RUSC2: variants seen among roughly 807,000 people sequenced by gnomAD.
RUSC2 encodes the protein AP-4 complex accessory subunit RUSC2.
RUSC2 carries 34 observed loss-of-function variants against 122.2 expected under a neutral mutation model. That is an observed-to-expected ratio of 0.28 (90% CI 0.21 to 0.37). The LOEUF (loss-of-function observed/expected upper bound fraction) is 0.37, where lower values mean the gene tolerates loss of function less well. Among genes scored for constraint, RUSC2 ranks in the 10% least tolerant of loss-of-function variants. The pLI is 1.00. For synonymous variants in RUSC2, 784 were observed against 790.0 expected, an observed-to-expected ratio of 0.99 and a Z score of 0.13; for missense variants, 1,747 against 1,952.4, an observed-to-expected ratio of 0.89 and a Z score of 1.98.
chr9:35,515,511 A>C (rs1821085941), intron 1 of RUSC2, among the ~76,000 whole-genome samples: 1 of 152,118 alleles, frequency 6.6e-6, no homozygotes, highest in Non-Finnish European at 1.5e-5. Flanking sequence ...TTTCTCTATC[A>C]AGGATATTAG....
At chr9:35,515,600 G>T (rs555828373) in intron 1 of RUSC2, among the ~76,000 whole-genome samples, 4 of 151,916 alleles carry the variant, frequency 2.6e-5, no homozygotes, top group Non-Finnish European at 4.4e-5. Flanking sequence ...CTACTTTCTG[G>T]GTCTGTGATC....
chr9:35,549,006 TG>T, intron 2 of RUSC2: 1 of 941,906 alleles, frequency 1.1e-6, no homozygotes, highest in Non-Finnish European at 1.3e-6. Flanking sequence ...CACTCCAGCC[TG>T]GGCAGACAGA....
In RUSC2 at chr9:35,560,265, G is replaced by A; in HGVS notation, c.3625G>A (p.Ala1209Thr). 6.3e-7 allele frequency: 1 copy of A among 1,586,328 alleles called. No homozygotes were observed. ...LLSAHSTLQL[A>T]RARGQEGPGD... ...GTCTGCCCACTCCACGCTGCAGCTG[G>A]CCCGGGCCCGGGGCCAGGAGGGCCC... is the stretch of plus-strand genomic sequence containing the variant. The change falls in exon 10 of 12, where the codon GCC (alanine) becomes ACC (threonine). Residue 1209 changes from alanine (A) to threonine (T), a missense_variant. By Grantham distance (58) the Ala-to-Thr change is moderately conservative. Coordinates refer to ENST00000361226, the MANE Select transcript of RUSC2 (RefSeq NM_014806.5).
chr9:35,548,301 A>G lies in RUSC2; in HGVS notation c.1780A>G (p.Ser594Gly). The G allele has an allele frequency of 1.2e-6, 2 of 1,614,084 alleles. No individual in the cohort carries two copies. The highest frequency in any genetic ancestry group is 1.7e-6 in the Non-Finnish European group (2 of 1,180,036). The change falls in exon 2 of 12, where the codon AGC becomes GGC. Residue 594 changes from serine (S) to glycine (G), a missense_variant. Ser to Gly is a moderately conservative substitution (Grantham distance 56). Coordinates refer to ENST00000361226, the MANE Select transcript of RUSC2 (RefSeq NM_014806.5). The surrounding 1 kb of genome is among the most constrained non-coding windows in gnomAD (Gnocchi z 4.5). Reference sequence around the variant, plus strand: ...CCCACTGGATGAGGGCACTTGCTGTAGCCATAGCCTGCCACCCATGCCTTT... The same window carrying G: ...CCCACTGGATGAGGGCACTTGCTGTGGCCATAGCCTGCCACCCATGCCTTT... ...GAPLDEGTCC[S>G]HSLPPMPLGP...
chr9:35,537,568 G>A (rs989889708), intron 1 of RUSC2, among the ~76,000 whole-genome samples: 4 of 152,180 alleles, frequency 2.6e-5, no homozygotes, highest in African/African-American at 7.2e-5. Flanking sequence ...GTGTGTTTTT[G>A]TTCTTCTCTC....
At chr9:35,556,470 GGCCAGGGACTCT>G in intron 5 of RUSC2, 22 bp downstream of exon 5, 1 of 1,609,568 alleles carries the variant, frequency 6.2e-7, no homozygotes, top group Non-Finnish European at 8.5e-7. Context: ...CCCCAGCTCA[GGCCAGGGACTCT>G]GCTGTCACTA....
At chr9:35,538,004 C>T (rs1252857500) in intron 1 of RUSC2, among the ~76,000 whole-genome samples, 3 of 152,174 alleles carry the variant, frequency 2.0e-5, no homozygotes, top group Admixed American at 2.0e-4. Flanking sequence ...GAGCAGAGGA[C>T]TCTGTAGGTC....
chr9:35,555,773 G>T lies in RUSC2; in HGVS notation c.2656+72G>T. ...CACTTCCACCACCTCCCCTTTGAGT[G>T]GTTGCTTACACTCTCACCTGGGGCC... is the stretch of plus-strand genomic sequence containing the variant. On this transcript the variant is annotated intron_variant, in intron 3 of 11. Transcript: ENST00000361226. The surrounding 1 kb of genome is among the most constrained non-coding windows in gnomAD (Gnocchi z 4.6). The T allele has an allele frequency of 6.6e-7, 1 of 1,516,524 alleles. No homozygotes were observed. Among genetic ancestry groups the T allele is most frequent in the South Asian group, 1.3e-5 (1 of 79,462 alleles). The allele number at this position is 1,516,524 out of a possible 1,614,324, so 93.9% of individuals were successfully genotyped here. A position where few individuals can be genotyped will look rare whatever the true frequency, so the allele number is the denominator to read the frequency against.
chr9:35,552,254 G>A (rs372631633), intron 2 of RUSC2, among the ~76,000 whole-genome samples: 17 of 152,270 alleles, frequency 1.1e-4, no homozygotes, highest in South Asian at 4.1e-4. Flanking sequence ...CCATCTACCC[G>A]GGAGGCTGAG....
rs771051127 is a variant in RUSC2, at chr9:35,561,840, G to GTATTTATT, written c.*471_*478dup. 6.4e-6 allele frequency: 4 copies of GTATTTATT among 622,332 alleles called. No individual in the cohort carries two copies. The highest frequency in any genetic ancestry group is 5.7e-5 in the East Asian group (2 of 34,910). 38.6% of individuals were successfully genotyped at this position (622,332 alleles called of 1,614,324 possible). A position where few individuals can be genotyped will look rare whatever the true frequency, so the allele number is the denominator to read the frequency against. ...AGGAGGAGCCCAGGCGTCTGTTTAT[G>GTATTTATT]TATTTATTTATTTATTTATTATACC... On this transcript the variant is annotated 3_prime_UTR_variant, in exon 12 of 12. Transcript: ENST00000361226.
At chr9:35,551,137 T>C (rs1821885278) in intron 2 of RUSC2, among the ~76,000 whole-genome samples, 1 of 152,070 alleles carries the variant, frequency 6.6e-6, no homozygotes, top group Admixed American at 6.6e-5. Context: ...TAAAAAAAGT[T>C]TGAACCAAAA....
Position 35,556,029 on chromosome 9 carries a change from G to C in RUSC2, c.2734G>C (p.Gly912Arg). The change falls in exon 4 of 12, where the codon GGG (glycine) becomes CGG (arginine). Residue 912 changes from glycine to arginine, a missense_variant. Physicochemically the swap from Gly to Arg is moderately radical, Grantham distance 125 (BLOSUM62 -2). Transcript: ENST00000361226. ...CCCACTAGGGCCACCTGGTTTGTCA[G>C]GGAGCCTAGACCGAAGATCACAAGA... ...KNPLGPPGLS[G>R]SLDRRSQEAR... is the part of the protein sequence containing the mutation. 6.2e-7 allele frequency: 1 copy of C among 1,614,214 alleles called. No homozygotes were observed.
Position 35,555,063 on chromosome 9 carries a change from G to A in RUSC2, c.2018G>A (p.Gly673Asp), listed in dbSNP as rs1196389252. Reference sequence around the variant, plus strand: ...CTTCTCCATCCCTTTGCTACAGGGGGTGGCACCGAGAGCCGACCAGTCCTT... The same window carrying A: ...CTTCTCCATCCCTTTGCTACAGGGGATGGCACCGAGAGCCGACCAGTCCTT... ...QRDARARADG[G>D]GTESRPVLRY... The change falls in exon 3 of 12, where the codon GGT becomes GAT. Residue 673 changes from glycine to aspartate, a missense_variant. By Grantham distance (94) the Gly-to-Asp change is moderately conservative (BLOSUM62 -1). Coordinates refer to ENST00000361226, the MANE Select transcript of RUSC2 (RefSeq NM_014806.5). This position sits in a 1 kb window ranked among gnomAD's most constrained non-coding sequence, Gnocchi z 4.6. 3.1e-6 allele frequency: 5 copies of A among 1,611,128 alleles called. No homozygotes were observed. In the Middle Eastern group the frequency reaches 6.6e-4, roughly 213 times the overall value.
chr9:35,543,333 G>T (rs1345058797), intron 1 of RUSC2, among the ~76,000 whole-genome samples: 1 of 152,042 alleles, frequency 6.6e-6, no homozygotes, highest in African/African-American at 2.4e-5. Context: ...GGCTGAGGTG[G>T]ATCACTTGAG....
At chr9:35,527,807 T>C (rs538646474) in intron 1 of RUSC2, among the ~76,000 whole-genome samples, 1 of 152,356 alleles carries the variant, frequency 6.6e-6, no homozygotes, top group East Asian at 1.9e-4. Context: ...CATATCTGCT[T>C]CTACCAAAAG....
intron 1 of RUSC2, among the ~76,000 whole-genome samples, chr9:35,525,838 A>AT (rs1821316271): frequency 6.6e-6 from 1 of 152,048 alleles, no homozygotes; most frequent in Admixed American, 6.6e-5. Flanking sequence ...TAACCCCAGC[A>AT]TTTTGTGAGG....
intron 1 of RUSC2, among the ~76,000 whole-genome samples, chr9:35,506,140 G>A (rs1164156467): frequency 6.6e-6 from 1 of 152,148 alleles, no homozygotes; most frequent in Non-Finnish European, 1.5e-5. Flanking sequence ...GTAAGATTGT[G>A]GGATACAAAA....
At position 35,558,887 on chromosome 9, in the gene RUSC2, A is replaced by G. The variant is rs186639247; in HGVS notation, c.3341+320A>G. Among the ~76,000 whole-genome samples, 5 of 152,332 alleles carry G rather than the reference A, an allele frequency of 3.3e-5. No individual in the cohort carries two copies. Among genetic ancestry groups the G allele is most frequent in the Admixed American group, 2.6e-4 (4 of 15,298 alleles). On this transcript the variant is annotated intron_variant, in intron 8 of 11. Transcript: ENST00000361226. The surrounding 1 kb of genome is among the most constrained non-coding windows in gnomAD (Gnocchi z 4.3). ...CTACTTCCAAATCCTGCTTGACCCT[A>G]AGTCCACCTTGGGACCCACATCCTA...
At chr9:35,523,908 T>G (rs1249565150) in intron 1 of RUSC2, among the ~76,000 whole-genome samples, 1 of 152,134 alleles carries the variant, frequency 6.6e-6, no homozygotes, top group Non-Finnish European at 1.5e-5. Context: ...TATGACCCAC[T>G]GACTTTTTAA....
Sources: gnomAD v4.1 joint callset for allele counts (sites outside exome capture counted in the v4.1 genomes callset) on GRCh38, gnomAD v4.1.1 for gene constraint, Gnocchi (gnomAD v3.1) non-coding constraint, MANE v1.5 for transcripts, NCBI Gene and HGNC (gene_info 2026-07-23, HGNC 2026-07-21) for gene names.